Variants in OR4C5 observed in about 807,000 individuals in gnomAD.
OR4C5 encodes olfactory receptor 4C5.
For synonymous variants in OR4C5, 134 were observed against 60.3 expected (o/e 2.22, Z -5.66); for missense variants, 301 against 157.9 (o/e 1.91, Z -4.86).
At position 48,365,999 on chromosome 11, in the gene OR4C5, G is replaced by T. The variant is rs1460498080; in HGVS notation, c.467C>A (p.Thr156Lys). Residue 156 changes from threonine to lysine, a missense_variant, in exon 1 of 1, where the codon ACA becomes AAA. Physicochemically the swap from Thr to Lys is moderately conservative, Grantham distance 78. Transcript: ENST00000319813. ...AICKPLYYLITMNRQVCGLLV... is the reference protein window; with the variant it reads ...AICKPLYYLIKMNRQVCGLLV... ...GAGGCCACATACCTGCCTGTTCATTGTGATCAGGTAGTACAGGGGCTTGCA... is the reference window on the plus strand; with the variant it reads ...GAGGCCACATACCTGCCTGTTCATTTTGATCAGGTAGTACAGGGGCTTGCA... The T allele has an allele frequency of 1.4e-6, 1 of 718,812 alleles. No homozygotes were observed. The highest frequency in any genetic ancestry group is 1.5e-5 in the South Asian group (1 of 68,332). 44.5% of individuals were successfully genotyped at this position (718,812 alleles called of 1,614,324 possible).
chr11:48,366,376 T>C lies in OR4C5; in HGVS notation c.90A>G (p.Ile30Met), dbSNP rs1852760835. The C allele has an allele frequency of 1.4e-6, 1 of 702,682 alleles. No homozygotes were observed. The highest frequency in any genetic ancestry group is 1.5e-5 in the South Asian group (1 of 67,534). 43.5% of individuals were successfully genotyped at this position (702,682 alleles called of 1,614,324 possible). Residue 30 changes from isoleucine (I) to methionine (M), a missense_variant, in exon 1 of 1, where the codon ATA becomes ATG. Ile to Met is a conservative substitution (Grantham distance 10). Transcript: ENST00000319813. ...TKLDFEQVNN[I>M]TEFILLGLTQ... ...TCAGGCCAAGCAAGATGAATTCCGTTATGTTGTTCACTTGCTCGAAATCCA... is the reference window on the plus strand; with the variant it reads ...TCAGGCCAAGCAAGATGAATTCCGTCATGTTGTTCACTTGCTCGAAATCCA...
In OR4C5 at chr11:48,366,356, C is replaced by T; in HGVS notation, c.110G>A (p.Gly37Asp). The T allele has an allele frequency of 1.4e-6, 1 of 702,758 alleles. No individual in the cohort carries two copies. The highest frequency in any genetic ancestry group is 2.6e-6 in the Non-Finnish European group (1 of 384,930). 43.5% of individuals were successfully genotyped at this position (702,758 alleles called of 1,614,324 possible). Residue 37 changes from glycine to aspartate, a missense_variant, in exon 1 of 1, where the codon GGC (glycine) becomes GAC (aspartate). Coordinates refer to ENST00000319813, the MANE Select transcript of OR4C5 (RefSeq NM_001348223.2). ...VNNITEFILL[G>D]LTQNAEAQKL... ...CTGTGCCTCTGCGTTCTGTGTCAGG[C>T]CAAGCAAGATGAATTCCGTTATGTT...
At position 48,365,850 on chromosome 11, in the gene OR4C5, G is replaced by A. The variant is rs1260255589; in HGVS notation, c.616C>T (p.Leu206=). 3 of 704,042 alleles carry A rather than the reference G, an allele frequency of 4.3e-6. No individual in the cohort carries two copies. The highest frequency in any genetic ancestry group is 3.0e-5 in the South Asian group (2 of 67,636). The allele number at this position is 704,042 out of a possible 1,614,324, so 43.6% of individuals were successfully genotyped here. ...DHFICDLFPL[L]KLSCTDTHVF... ...TGAGTGTCAGTGCAGGAGAGTTTTA[G>A]CAGAGGGAAAAGGTCACAGATGAAA... The change falls in exon 1 of 1, where the codon CTA becomes TTA. Residue 206 remains leucine (L), a synonymous_variant. Transcript: ENST00000319813.
Position 48,365,977 on chromosome 11 carries a change from G to A in OR4C5, c.489C>T (p.Gly163=), listed in dbSNP as rs1554949531. The A allele has an allele frequency of 1.7e-5, 12 of 710,926 alleles. No individual in the cohort carries two copies. Among genetic ancestry groups the A allele is most frequent in the Non-Finnish European group, 2.8e-5 (11 of 387,812 alleles). 44.0% of individuals were successfully genotyped at this position (710,926 alleles called of 1,614,324 possible). A position where few individuals can be genotyped will look rare whatever the true frequency, so the allele number is the denominator to read the frequency against. The change falls in exon 1 of 1, where the codon GGC becomes GGT. Residue 163 remains glycine, a synonymous_variant. Transcript: ENST00000319813. The part of the protein sequence containing the change: ...YLITMNRQVC[G]LLVAMAWVGG... ...CGACCCATGCCATGGCCACCAGGAGGCCACATACCTGCCTGTTCATTGTGA... is the reference window on the plus strand; with the variant it reads ...CGACCCATGCCATGGCCACCAGGAGACCACATACCTGCCTGTTCATTGTGA...
rs546478423 is a variant in OR4C5 at position 48,365,589 on chromosome 11, G to A, written c.877C>T (p.Pro293Ser). 2.8e-6 allele frequency: 2 copies of A among 702,516 alleles called. No individual in the cohort carries two copies. The highest frequency in any genetic ancestry group is 2.7e-5 in the East Asian group (1 of 37,242). 43.5% of individuals were successfully genotyped at this position (702,516 alleles called of 1,614,324 possible). A position where few individuals can be genotyped will look rare whatever the true frequency, so the allele number is the denominator to read the frequency against. The part of the protein sequence containing the change: ...AVSVFYTVVT[P>S]MLNPLIYTLR... Reference sequence around the variant, plus strand: ...GTGTAGATTAAAGGGTTTAACATGGGTGTTACCACAGTATAAAACACAGAC... The same window carrying A: ...GTGTAGATTAAAGGGTTTAACATGGATGTTACCACAGTATAAAACACAGAC... Residue 293 changes from proline (P) to serine (S), a missense_variant, in exon 1 of 1, where the codon CCC (proline) becomes TCC (serine). Coordinates refer to ENST00000319813, the MANE Select transcript of OR4C5 (RefSeq NM_001348223.2).
Position 48,365,566 on chromosome 11 carries a change from G to A in OR4C5, c.900C>T (p.Tyr300=), listed in dbSNP as rs79339252. The change falls in exon 1 of 1, where the codon TAC becomes TAT. Residue 300 remains tyrosine, a synonymous_variant. Transcript: ENST00000319813. ...TTTTCACCTCTGTGTTTCTGAGGGTGTAGATTAAAGGGTTTAACATGGGTG... is the reference window on the plus strand; with the variant it reads ...TTTTCACCTCTGTGTTTCTGAGGGTATAGATTAAAGGGTTTAACATGGGTG... ...VVTPMLNPLI[Y]TLRNTEVKNA... 8.5e-6 allele frequency: 6 copies of A among 703,058 alleles called. No individual in the cohort carries two copies. The highest frequency in any genetic ancestry group is 5.9e-5 in the South Asian group (4 of 67,598). The allele number at this position is 703,058 out of a possible 1,614,324, so 43.6% of individuals were successfully genotyped here.
Position 48,366,351 on chromosome 11 carries a change from T to C in OR4C5, c.115A>G (p.Thr39Ala), listed in dbSNP as rs1239803589. The C allele has an allele frequency of 2.8e-6, 2 of 702,752 alleles. No homozygotes were observed. Among genetic ancestry groups the C allele is most frequent in the Admixed American group, 2.0e-5 (1 of 49,970 alleles). 43.5% of individuals were successfully genotyped at this position (702,752 alleles called of 1,614,324 possible). A position where few individuals can be genotyped will look rare whatever the true frequency, so the allele number is the denominator to read the frequency against. Residue 39 changes from threonine (T) to alanine (A), a missense_variant, in exon 1 of 1, where the codon ACA becomes GCA. Physicochemically the swap from Thr to Ala is moderately conservative, Grantham distance 58 (BLOSUM62 0). Coordinates refer to ENST00000319813, the MANE Select transcript of OR4C5 (RefSeq NM_001348223.2). ...NITEFILLGL[T>A]QNAEAQKLLF... ...AGTTTCTGTGCCTCTGCGTTCTGTG[T>C]CAGGCCAAGCAAGATGAATTCCGTT...
chr11:48,365,884 G>A lies in OR4C5; in HGVS notation c.582C>T (p.Val194=), dbSNP rs1305500835. 1.4e-6 allele frequency: 1 copy of A among 707,190 alleles called. No homozygotes were observed. Among genetic ancestry groups the A allele is most frequent in the Non-Finnish European group, 2.6e-6 (1 of 386,740 alleles). The allele number at this position is 707,190 out of a possible 1,614,324, so 43.8% of individuals were successfully genotyped here. A position where few individuals can be genotyped will look rare whatever the true frequency, so the allele number is the denominator to read the frequency against. ...AAAGGTCACAGATGAAATGGTCAATGACATTGGGGCCACAGAAGGGCAGCC... is the reference window on the plus strand; with the variant it reads ...AAAGGTCACAGATGAAATGGTCAATAACATTGGGGCCACAGAAGGGCAGCC... The part of the protein sequence containing the change: ...IVWLPFCGPN[V]IDHFICDLFP... The change falls in exon 1 of 1, where the codon GTC becomes GTT. Residue 194 remains valine, a synonymous_variant. Coordinates refer to ENST00000319813, the MANE Select transcript of OR4C5 (RefSeq NM_001348223.2).
rs773117066 is a variant in OR4C5 at position 48,365,803 on chromosome 11, G to A, written c.663C>T (p.Ala221=). The A allele has an allele frequency of 3.8e-5, 27 of 703,176 alleles. No homozygotes were observed. In the Admixed American group the frequency reaches 4.0e-4, roughly 10 times the overall value. 43.6% of individuals were successfully genotyped at this position (703,176 alleles called of 1,614,324 possible). Residue 221 remains alanine, a synonymous_variant, in exon 1 of 1, where the codon GCC becomes GCT. Coordinates refer to ENST00000319813, the MANE Select transcript of OR4C5 (RefSeq NM_001348223.2). ...TDTHVFGLFV[A]ANSGLMCMLI... is the part of the protein sequence containing the mutation. ...GCATACACATCAGCCCACTGTTGGC[G>A]GCAACAAAGAGTCCAAAGACGTGAG...
In OR4C5 at chr11:48,365,982, A is replaced by T. The variant is rs748402652; in HGVS notation, c.484T>A (p.Cys162Ser). 5 of 712,756 alleles carry T rather than the reference A, an allele frequency of 7.0e-6. No homozygotes were observed. Among genetic ancestry groups the T allele is most frequent in the Non-Finnish European group, 1.3e-5 (5 of 388,506 alleles). 44.2% of individuals were successfully genotyped at this position (712,756 alleles called of 1,614,324 possible). Residue 162 changes from cysteine (C) to serine (S), a missense_variant, in exon 1 of 1, where the codon TGT becomes AGT. Coordinates refer to ENST00000319813, the MANE Select transcript of OR4C5 (RefSeq NM_001348223.2). ...CATGCCATGGCCACCAGGAGGCCAC[A>T]TACCTGCCTGTTCATTGTGATCAGG... Reference protein sequence around the residue: ...YYLITMNRQVCGLLVAMAWVG... With the variant: ...YYLITMNRQVSGLLVAMAWVG...
In OR4C5 at chr11:48,366,212, GAC is replaced by G; in HGVS notation, c.252_253del (p.Ser85PhefsTer20). On this transcript the variant is annotated frameshift_variant, in exon 1 of 1. Transcript: ENST00000319813. LOFTEE classifies it low-confidence loss of function (END_TRUNC). Reference sequence around the variant, plus strand: ...GCAGCCATCTATGAAGGAAAAGAAAGACAGAAAAAAATACACGGGGGAGTCCA... The same window carrying G: ...GCAGCCATCTATGAAGGAAAAGAAAGAGAAAAAAATACACGGGGGAGTCCA... 1 of 702,724 alleles carries G rather than the reference GAC, an allele frequency of 1.4e-6. No individual in the cohort carries two copies. Among genetic ancestry groups the G allele is most frequent in the Non-Finnish European group, 2.6e-6 (1 of 384,898 alleles). 43.5% of individuals were successfully genotyped at this position (702,724 alleles called of 1,614,324 possible). A position where few individuals can be genotyped will look rare whatever the true frequency, so the allele number is the denominator to read the frequency against.
chr11:48,366,315 C>A lies in OR4C5; in HGVS notation c.151G>T (p.Val51Leu). 1 of 702,856 alleles carries A rather than the reference C, an allele frequency of 1.4e-6. No individual in the cohort carries two copies. Among genetic ancestry groups the A allele is most frequent in the Non-Finnish European group, 2.6e-6 (1 of 384,964 alleles). The allele number at this position is 702,856 out of a possible 1,614,324, so 43.5% of individuals were successfully genotyped here. ...NAEAQKLLFAVFTLIYFLTMV... is the reference protein window; with the variant it reads ...NAEAQKLLFALFTLIYFLTMV... The stretch of plus-strand genomic sequence containing the variant: ...GTGAGAAAGTAGATGAGTGTAAACA[C>A]AGCAAACAAGAGTTTCTGTGCCTCT... The change falls in exon 1 of 1, where the codon GTG (valine) becomes TTG (leucine). Residue 51 changes from valine to leucine, a missense_variant. Coordinates refer to ENST00000319813, the MANE Select transcript of OR4C5 (RefSeq NM_001348223.2).
Position 48,366,187 on chromosome 11 carries a change from G to GA in OR4C5, c.278_279insT (p.Ser94LeufsTer12). 4.3e-6 allele frequency: 3 copies of GA among 703,512 alleles called. No homozygotes were observed. Among genetic ancestry groups the GA allele is most frequent in the Non-Finnish European group, 7.8e-6 (3 of 384,994 alleles). The allele number at this position is 703,512 out of a possible 1,614,324, so 43.6% of individuals were successfully genotyped here. A position where few individuals can be genotyped will look rare whatever the true frequency, so the allele number is the denominator to read the frequency against. On this transcript the variant is annotated frameshift_variant, in exon 1 of 1. Transcript: ENST00000319813. LOFTEE classifies it low-confidence loss of function (END_TRUNC). ...TTTTGGGGGCCATGGTAGAAGAGGA[G>GA]CAGCCATCTATGAAGGAAAAGAAAG...
chr11:48,365,506 C>T lies in OR4C5; in HGVS notation c.960G>A (p.Trp320Ter), dbSNP rs1181341530. 1.4e-6 allele frequency: 1 copy of T among 702,884 alleles called. No homozygotes were observed. The highest frequency in any genetic ancestry group is 1.5e-5 in the South Asian group (1 of 67,542). 43.5% of individuals were successfully genotyped at this position (702,884 alleles called of 1,614,324 possible). The change falls in exon 1 of 1, where the codon TGG (tryptophan) becomes TGA (stop). Residue 320 changes from tryptophan (W) to a stop codon, truncating the protein, a stop_gained. Coordinates refer to ENST00000319813, the MANE Select transcript of OR4C5 (RefSeq NM_001348223.2). LOFTEE classifies it high-confidence loss of function. ...TTCTCTAATCACACAAATTGTTACC[C>T]CAGATTATTTGGCTCCAGAGCTGCT... ...AMKQLWSQII[W>*]GNNLCD
chr11:48,365,767 A>G lies in OR4C5; in HGVS notation c.699T>C (p.Ser233=), dbSNP rs1203699685. 1 of 703,304 alleles carries G rather than the reference A, an allele frequency of 1.4e-6. No individual in the cohort carries two copies. Among genetic ancestry groups the G allele is most frequent in the Non-Finnish European group, 2.6e-6 (1 of 385,064 alleles). The allele number at this position is 703,304 out of a possible 1,614,324, so 43.6% of individuals were successfully genotyped here. Residue 233 remains serine, a synonymous_variant, in exon 1 of 1, where the codon TCT becomes TCC. Coordinates refer to ENST00000319813, the MANE Select transcript of OR4C5 (RefSeq NM_001348223.2). ...NSGLMCMLIF[S]ILITSYVLIL... ...TTAGGACGTAAGAGGTAATAAGAATAGAAAAAATGAGCATACACATCAGCC... is the reference window on the plus strand; with the variant it reads ...TTAGGACGTAAGAGGTAATAAGAATGGAAAAAATGAGCATACACATCAGCC...
rs1196594575 is a variant in OR4C5, at chr11:48,365,646, G to T, written c.820C>A (p.Pro274Thr). 2.8e-6 allele frequency: 2 copies of T among 703,106 alleles called. No individual in the cohort carries two copies. The highest frequency in any genetic ancestry group is 2.0e-5 in the Admixed American group (1 of 50,016). The allele number at this position is 703,106 out of a possible 1,614,324, so 43.6% of individuals were successfully genotyped here. ...TTATCAATAGGGAAGGTGATCATGG[G>T]TCGAAGGTACACCAATATACAGGGA... ...FVPCILVYLR[P>T]MITFPIDKAV... is the part of the protein sequence containing the mutation. The change falls in exon 1 of 1, where the codon CCC (proline) becomes ACC (threonine). Residue 274 changes from proline to threonine, a missense_variant. Pro to Thr is a conservative substitution (Grantham distance 38). Coordinates refer to ENST00000319813, the MANE Select transcript of OR4C5 (RefSeq NM_001348223.2).
Position 48,366,282 on chromosome 11 carries a change from C to T in OR4C5, c.184G>A (p.Asp62Asn). 1 of 702,848 alleles carries T rather than the reference C, an allele frequency of 1.4e-6. No individual in the cohort carries two copies. The highest frequency in any genetic ancestry group is 2.7e-5 in the East Asian group (1 of 37,282). The allele number at this position is 702,848 out of a possible 1,614,324, so 43.5% of individuals were successfully genotyped here. The change falls in exon 1 of 1, where the codon GAC becomes AAC. Residue 62 changes from aspartate (D) to asparagine (N), a missense_variant. Coordinates refer to ENST00000319813, the MANE Select transcript of OR4C5 (RefSeq NM_001348223.2). ...ATTGTCACCACAATGATTAGGTTGTCTACCATGGTGAGAAAGTAGATGAGT... is the reference window on the plus strand; with the variant it reads ...ATTGTCACCACAATGATTAGGTTGTTTACCATGGTGAGAAAGTAGATGAGT... The part of the protein sequence containing the change: ...FTLIYFLTMV[D>N]NLIIVVTITT...
Position 48,366,405 on chromosome 11 carries a change from T to C in OR4C5, c.61A>G (p.Lys21Glu). 1.4e-6 allele frequency: 1 copy of C among 702,778 alleles called. No individual in the cohort carries two copies. The highest frequency in any genetic ancestry group is 2.6e-6 in the Non-Finnish European group (1 of 384,884). The allele number at this position is 702,778 out of a possible 1,614,324, so 43.5% of individuals were successfully genotyped here. ...IHRKINYPNT[K>E]LDFEQVNNIT... The stretch of plus-strand genomic sequence containing the variant: ...TTGTTCACTTGCTCGAAATCCAGTT[T>C]GGTATTTGGATAATTGATTTTTCTG... Residue 21 changes from lysine to glutamate, a missense_variant, in exon 1 of 1, where the codon AAA (lysine) becomes GAA (glutamate). Transcript: ENST00000319813.
rs76817095 is a variant in OR4C5, at chr11:48,365,654, T to C, written c.812A>G (p.Tyr271Cys). 1.4e-6 allele frequency: 1 copy of C among 702,986 alleles called. No homozygotes were observed. 43.5% of individuals were successfully genotyped at this position (702,986 alleles called of 1,614,324 possible). Residue 271 changes from tyrosine (Y) to cysteine (C), a missense_variant, in exon 1 of 1, where the codon TAC becomes TGC. Tyr to Cys is a radical substitution (Grantham distance 194). Transcript: ENST00000319813. The part of the protein sequence containing the change: ...VLFFVPCILV[Y>C]LRPMITFPID... ...AGGGAAGGTGATCATGGGTCGAAGG[T>C]ACACCAATATACAGGGAACAAAGAA...
Sources: allele counts gnomAD v4.1 joint callset, GRCh38; gene constraint gnomAD v4.1.1; transcripts MANE v1.5; gene names NCBI Gene and HGNC (gene_info 2026-07-23, HGNC 2026-07-21).